Variants in IGFBP7 observed in about 807,000 individuals in gnomAD.
The protein encoded by IGFBP7 is insulin-like growth factor-binding protein 7.
Under a neutral mutation model 29.4 loss-of-function variants are expected in IGFBP7, and 31 were observed. The ratio of observed to expected loss-of-function variants is 1.05; its 90% CI spans 0.79 to 1.42. The LOEUF (loss-of-function observed/expected upper bound fraction) is 1.42. Ranked by LOEUF, IGFBP7 falls within the 40% of genes most tolerant of loss-of-function variation. The pLI is 0.00. For synonymous variants in IGFBP7, 172 were observed against 174.9 expected (o/e 0.98, Z 0.13); for missense variants, 393 against 395.5 (o/e 0.99, Z 0.05).
chr4:57,054,612 C>T (rs1724597881), intron 1 of IGFBP7, among the ~76,000 whole-genome samples: 2 of 143,672 alleles, frequency 1.4e-5, no homozygotes, highest in South Asian at 4.3e-4. Context: ...GCACTCCAGC[C>T]TGGCGACAGA....
chr4:57,045,828 C>A (rs548697385), intron 1 of IGFBP7, among the ~76,000 whole-genome samples: 3 of 151,266 alleles, frequency 2.0e-5, no homozygotes, highest in Non-Finnish European at 2.9e-5. Context: ...TGGGTTCAAG[C>A]GATCCTCCTG....
At chr4:57,071,268 C>A (rs1184691770) in intron 1 of IGFBP7, among the ~76,000 whole-genome samples, 2 of 152,206 alleles carry the variant, frequency 1.3e-5, no homozygotes, top group African/African-American at 4.8e-5. Flanking sequence ...TCTGGAAAGC[C>A]ACTTCTAGTC....
intron 2 of IGFBP7, among the ~76,000 whole-genome samples, chr4:57,038,064 A>AG (rs1473100021): frequency 6.6e-6 from 1 of 152,192 alleles, no homozygotes; most frequent in Non-Finnish European, 1.5e-5. Context: ...ATGGTATAGT[A>AG]GTGTTGCCTC....
Position 57,032,450 on chromosome 4 carries a change from A to T in IGFBP7, c.805T>A (p.Leu269Ile), listed in dbSNP as rs757898933. Residue 269 changes from leucine to isoleucine, a missense_variant, in exon 4 of 5, where the codon TTA (leucine) becomes ATA (isoleucine). Coordinates refer to ENST00000295666, the MANE Select transcript of IGFBP7 (RefSeq NM_001553.3). ...ASAKITVVDA[L>I]HEIPVKKGEG... ...CCTTTTTTCACTGGTATTTCATGTA[A>T]GGCATCAACCACTGTAATTTTTGCT... 15 of 1,613,692 alleles carry T rather than the reference A, an allele frequency of 9.3e-6. No homozygotes were observed. Among genetic ancestry groups the T allele is most frequent in the Non-Finnish European group, 1.3e-5 (15 of 1,179,594 alleles).
At chr4:57,109,434 A>ATTT (rs1726117503) in intron 1 of IGFBP7, among the ~76,000 whole-genome samples, 1 of 150,612 alleles carries the variant, frequency 6.6e-6, no homozygotes, top group African/African-American at 2.4e-5. Flanking sequence ...CTATCTTTTA[A>ATTT]AAAAAAAAGT....
chr4:57,103,759 A>C (rs1050100425), intron 1 of IGFBP7, among the ~76,000 whole-genome samples: 2 of 144,488 alleles, frequency 1.4e-5, no homozygotes, highest in African/African-American at 5.1e-5. Context: ...CCTGGGCTCA[A>C]GTAATCCTCC....
At chr4:57,076,083 T>C (rs1013198303) in intron 1 of IGFBP7, among the ~76,000 whole-genome samples, 11 of 152,174 alleles carry the variant, frequency 7.2e-5, no homozygotes, top group Admixed American at 6.5e-4. Context: ...AAGATCAGGG[T>C]GCGAGCATGG....
intron 1 of IGFBP7, among the ~76,000 whole-genome samples, chr4:57,093,883 C>A (rs1292939814): frequency 6.6e-6 from 1 of 152,186 alleles, no homozygotes; most frequent in Non-Finnish European, 1.5e-5. Flanking sequence ...CTCATAGAGT[C>A]TGCAAATTAT....
At position 57,031,319 on chromosome 4, in the gene IGFBP7, A is replaced by G; in HGVS notation, c.847T>C (p.Ter283GlnextTer16). The G allele has an allele frequency of 4.4e-6, 7 of 1,601,836 alleles. No homozygotes were observed. The highest frequency in any genetic ancestry group is 6.0e-6 in the Non-Finnish European group (7 of 1,171,418). ...CAGACTAATAATATTCTGGAGGTTT[A>G]TAGCTCGGCACCTTCACCTGTTTAA... ...PVKKGEGAEL[*>Q] Residue 283 changes from the stop codon to glutamine, a stop_lost, in exon 5 of 5, where the codon TAA becomes CAA. Transcript: ENST00000295666.
At chr4:57,033,111 C>T (rs569250766) in intron 3 of IGFBP7, 84 bp downstream of exon 3, 522 of 919,988 alleles carry the variant, frequency 5.7e-4, no homozygotes, top group Non-Finnish European at 5.8e-4. Context: ...TTTAGGCTGG[C>T]GGTACATCAG....
At chr4:57,108,623 C>T (rs1287221672) in intron 1 of IGFBP7, among the ~76,000 whole-genome samples, 1 of 151,822 alleles carries the variant, frequency 6.6e-6, no homozygotes, top group Non-Finnish European at 1.5e-5. Context: ...CTCACTGCAA[C>T]CTCCGCCTCC....
At chr4:57,039,110 T>TATA (rs1724158266) in intron 2 of IGFBP7, among the ~76,000 whole-genome samples, 1 of 147,904 alleles carries the variant, frequency 6.8e-6, no homozygotes. Context: ...AAGTGTATGG[T>TATA]ATAATTGTGA....
intron 1 of IGFBP7, among the ~76,000 whole-genome samples, chr4:57,045,248 A>C (rs1022957997): frequency 6.6e-6 from 1 of 152,220 alleles, no homozygotes; most frequent in African/African-American, 2.4e-5. Context: ...ACAAAAATCT[A>C]TAATATCCAC....
At chr4:57,068,534 G>T (rs1724973857) in intron 1 of IGFBP7, among the ~76,000 whole-genome samples, 1 of 152,238 alleles carries the variant, frequency 6.6e-6, no homozygotes, top group Middle Eastern at 3.4e-3. Context: ...AATAAAGGAG[G>T]CTGAGATACT....
At chr4:57,046,752 C>T (rs892557771) in intron 1 of IGFBP7, among the ~76,000 whole-genome samples, 2 of 149,676 alleles carry the variant, frequency 1.3e-5, no homozygotes, top group African/African-American at 5.0e-5. Flanking sequence ...CTGCCTTGTA[C>T]CCACCCTCGG....
chr4:57,109,441 A>G (rs1726117740), intron 1 of IGFBP7, among the ~76,000 whole-genome samples: 1 of 152,054 alleles, frequency 6.6e-6, no homozygotes, highest in East Asian at 1.9e-4. Context: ...TTAAAAAAAA[A>G]AGTCTGTCTG....
rs1258285465 is a variant in IGFBP7, at chr4:57,033,462, A to G, written c.586-151T>C. ...ACTGAACTATTTCCCTTTCCTAAATACTTTTAAAATATAGATCCTCTTTTA... is the reference window on the plus strand; with the variant it reads ...ACTGAACTATTTCCCTTTCCTAAATGCTTTTAAAATATAGATCCTCTTTTA... On this transcript the variant is annotated intron_variant, in intron 2 of 4. Coordinates refer to ENST00000295666, the MANE Select transcript of IGFBP7 (RefSeq NM_001553.3). 22 of 691,828 alleles carry G rather than the reference A, an allele frequency of 3.2e-5. 1 individual carries two copies. Among genetic ancestry groups the G allele is most frequent in the South Asian group, 1.3e-4 (8 of 63,656 alleles). The allele number at this position is 691,828 out of a possible 1,614,324, so 42.9% of individuals were successfully genotyped here. A position where few individuals can be genotyped will look rare whatever the true frequency, so the allele number is the denominator to read the frequency against.
chr4:57,069,114 T>C (rs879444938), intron 1 of IGFBP7, among the ~76,000 whole-genome samples: 10 of 152,116 alleles, frequency 6.6e-5, no homozygotes, highest in Admixed American at 2.0e-4. Flanking sequence ...CAGGCCTCCT[T>C]CTAGGGGTGT....
chr4:57,043,304 A>G (rs890722545), intron 1 of IGFBP7, among the ~76,000 whole-genome samples: 1 of 152,186 alleles, frequency 6.6e-6, no homozygotes, highest in Admixed American at 6.5e-5. Context: ...TTCTTGAATG[A>G]ATAAATTAAT....
Sources: gnomAD v4.1 joint callset for allele counts (sites outside exome capture counted in the v4.1 genomes callset) on GRCh38, gnomAD v4.1.1 for gene constraint, MANE v1.5 for transcripts, NCBI Gene and HGNC (gene_info 2026-07-23, HGNC 2026-07-21) for gene names.